PINX1: variants seen among roughly 807,000 people sequenced by gnomAD.
The protein encoded by PINX1 is PIN2/TERF1-interacting telomerase inhibitor 1.
Under a neutral mutation model 25.4 loss-of-function variants are expected in PINX1, and 34 were observed. That is an observed-to-expected ratio of 1.34 (90% CI 1.02 to 1.78). PINX1 has a LOEUF of 1.78. Among genes scored for constraint, PINX1 ranks in the 40% most tolerant of loss-of-function variants. The pLI is 0.00. For synonymous variants in PINX1, 197 were observed against 147.7 expected, an observed-to-expected ratio of 1.33 and a Z score of -2.42; for missense variants, 592 against 404.9, an observed-to-expected ratio of 1.46 and a Z score of -3.97.
chr8:10,769,743 C>T (rs1245233753), intron 6 of PINX1, among the ~76,000 whole-genome samples: 1 of 152,224 alleles, frequency 6.6e-6, no homozygotes, highest in Non-Finnish European at 1.5e-5. Context: ...AGCTGGAACA[C>T]AGCAGGAGAG....
chr8:10,786,762 A>G (rs1199184826), intron 6 of PINX1, among the ~76,000 whole-genome samples: 1 of 152,112 alleles, frequency 6.6e-6, no homozygotes, highest in East Asian at 1.9e-4. Context: ...TCCCCCAGAA[A>G]GCAGTCCTGA....
chr8:10,824,945 G>A (rs1304195423), intron 5 of PINX1, among the ~76,000 whole-genome samples: 1 of 152,172 alleles, frequency 6.6e-6, no homozygotes, highest in African/African-American at 2.4e-5. Context: ...CTGTTCCATA[G>A]CACGCTGGGG....
intron 5 of PINX1, among the ~76,000 whole-genome samples, chr8:10,821,389 G>A (rs1033170598): frequency 5.3e-5 from 8 of 152,240 alleles, no homozygotes; most frequent in African/African-American, 1.7e-4. Flanking sequence ...CTAGGCAGCA[G>A]TACCAGATGA....
chr8:10,769,527 T>A (rs556801081), intron 6 of PINX1, among the ~76,000 whole-genome samples: 1 of 152,144 alleles, frequency 6.6e-6, no homozygotes, highest in Non-Finnish European at 1.5e-5. Context: ...GCCCATGGGA[T>A]CACCCTGCTC....
chr8:10,799,006 C>G (rs1035244694), intron 6 of PINX1, among the ~76,000 whole-genome samples: 2 of 152,178 alleles, frequency 1.3e-5, no homozygotes, highest in Non-Finnish European at 2.9e-5. Context: ...TTTGTACTCA[C>G]GTACACTTTC....
chr8:10,769,627 A>C (rs1014389446), intron 6 of PINX1, among the ~76,000 whole-genome samples: 10 of 152,220 alleles, frequency 6.6e-5, no homozygotes, highest in African/African-American at 2.4e-4. Flanking sequence ...CTTGACATCA[A>C]GTGGCATCTC....
intron 2 of PINX1, among the ~76,000 whole-genome samples, chr8:10,834,183 G>C (rs943873566): frequency 3.3e-5 from 5 of 152,210 alleles, no homozygotes; most frequent in Admixed American, 3.3e-4. Flanking sequence ...GGAGTGGCAA[G>C]TGAGGTGAAA....
At chr8:10,812,357 A>C (rs1406601844) in intron 6 of PINX1, among the ~76,000 whole-genome samples, 1 of 152,234 alleles carries the variant, frequency 6.6e-6, no homozygotes, top group Non-Finnish European at 1.5e-5. Context: ...CACCGTTTCA[A>C]ATGTGATCAT....
At chr8:10,822,890 A>T (rs1036050290) in intron 5 of PINX1, among the ~76,000 whole-genome samples, 2 of 152,258 alleles carry the variant, frequency 1.3e-5, no homozygotes, top group Non-Finnish European at 2.9e-5. Flanking sequence ...AGGTAGCTTC[A>T]ATAGTTTAGA....
At position 10,828,313 on chromosome 8, in the gene PINX1, T is replaced by A. The variant is rs193071073; in HGVS notation, c.302-2069A>T. On this transcript the variant is annotated intron_variant, in intron 4 of 6. Transcript: ENST00000314787. ...TCAATGCTGATGTTCCAATCACAAA[T>A]CACAGAGGAAGTTATCAGCTTAAAG... Among the ~76,000 whole-genome samples, 21 of 152,252 alleles carry A rather than the reference T, an allele frequency of 1.4e-4. No individual in the cohort carries two copies. The East Asian group carries it at 3.9e-3, about 28-fold the overall frequency.
chr8:10,829,834 G>A (rs1347379593), intron 4 of PINX1, among the ~76,000 whole-genome samples: 1 of 152,148 alleles, frequency 6.6e-6, no homozygotes, highest in African/African-American at 2.4e-5. Context: ...ACAGGCATAC[G>A]CCACCACGCC....
At chr8:10,831,533 A>G (rs1395030652) in intron 4 of PINX1, 132 bp downstream of exon 4, 2 of 647,864 alleles carry the variant, frequency 3.1e-6, no homozygotes, top group Non-Finnish European at 5.6e-6. Context: ...CAAATTGTGC[A>G]CAGGTATTGA....
chr8:10,817,331 C>T (rs1206713253), intron 6 of PINX1, among the ~76,000 whole-genome samples: 1 of 152,194 alleles, frequency 6.6e-6, no homozygotes, highest in Non-Finnish European at 1.5e-5. Context: ...TTCCCGCCAA[C>T]TGAGGATGGG....
At chr8:10,820,296 G>A in intron 5 of PINX1, 27 bp from the exon 6 acceptor site, 7 of 1,488,232 alleles carry the variant, frequency 4.7e-6, no homozygotes, top group Non-Finnish European at 6.6e-6. Context: ...ATGCTTTTCA[G>A]TAAGACTGTT....
chr8:10,792,982 T>C (rs1483534952), intron 6 of PINX1, among the ~76,000 whole-genome samples: 1 of 152,106 alleles, frequency 6.6e-6, no homozygotes, highest in East Asian at 1.9e-4. Context: ...GTCCAGACTG[T>C]CTTGTTGCCA....
At chr8:10,799,043 C>A (rs962746539) in intron 6 of PINX1, among the ~76,000 whole-genome samples, 11 of 152,096 alleles carry the variant, frequency 7.2e-5, no homozygotes, top group African/African-American at 2.7e-4. Context: ...AGGTAAGAAC[C>A]CTTCCTACTT....
At chr8:10,805,592 AGG>A in intron 6 of PINX1, among the ~76,000 whole-genome samples, 2 of 128,830 alleles carry the variant, frequency 1.6e-5, no homozygotes, top group African/African-American at 6.0e-5. Context: ...GACAGAGCAC[AGG>A]AAGGGGCCAC....
At chr8:10,803,315 C>G (rs541736833) in intron 6 of PINX1, among the ~76,000 whole-genome samples, 314 of 152,328 alleles carry the variant, frequency 2.1e-3, no homozygotes, top group African/African-American at 7.2e-3. Flanking sequence ...ATTAGCACAT[C>G]TAATCAAACA....
intron 6 of PINX1, among the ~76,000 whole-genome samples, chr8:10,809,449 T>A (rs1802556955): frequency 6.6e-6 from 1 of 152,204 alleles, no homozygotes; most frequent in Non-Finnish European, 1.5e-5. Flanking sequence ...CTGTGCTCAA[T>A]AGAAAATATA....
Sources: allele counts gnomAD v4.1 joint callset (sites outside exome capture counted in the v4.1 genomes callset), GRCh38; gene constraint gnomAD v4.1.1; transcripts MANE v1.5; gene names NCBI Gene and HGNC (gene_info 2026-07-23, HGNC 2026-07-21).